CACNA2D3: variants seen among roughly 807,000 people sequenced by gnomAD.
CACNA2D3 encodes calcium voltage-gated channel auxiliary subunit alpha2delta 3, also known as voltage-dependent calcium channel subunit alpha-2/delta-3.
CACNA2D3 carries 60 observed loss-of-function variants against 160.6 expected under a neutral mutation model. The observed-to-expected ratio is 0.37, with a 90% CI of 0.30 to 0.46. CACNA2D3 has a LOEUF of 0.46. Ranked by LOEUF, CACNA2D3 falls within the 20% of genes least tolerant of loss-of-function variation. The probability of loss-of-function intolerance (pLI) is 1.00; values close to 1 mark genes in which losing one functional copy is unlikely to be tolerated. For synonymous variants in CACNA2D3, 558 were observed against 492.9 expected, an observed-to-expected ratio of 1.13 and a Z score of -1.75; for missense variants, 1,205 against 1,365.0, an observed-to-expected ratio of 0.88 and a Z score of 1.85.
chr3:54,207,714 C>A (rs553655045), intron 2 of CACNA2D3, among the ~76,000 whole-genome samples: 6 of 151,998 alleles, frequency 3.9e-5, no homozygotes, highest in Non-Finnish European at 8.8e-5. Flanking sequence ...GGCCATGGAG[C>A]GTGGTCACTA....
At chr3:54,977,921 G>A (rs1016109891) in intron 29 of CACNA2D3, among the ~76,000 whole-genome samples, 3 of 152,120 alleles carry the variant, frequency 2.0e-5, no homozygotes, top group African/African-American at 4.8e-5. Context: ...CATTTTTATC[G>A]TTATTTCTTG....
At chr3:54,199,867 A>G (rs961376649) in intron 2 of CACNA2D3, among the ~76,000 whole-genome samples, 1 of 152,350 alleles carries the variant, frequency 6.6e-6, no homozygotes, top group East Asian at 1.9e-4. Context: ...GATAAATACA[A>G]TATTTGCAGG....
At chr3:54,433,543 A>G (rs1287537410) in intron 4 of CACNA2D3, among the ~76,000 whole-genome samples, 10 of 152,222 alleles carry the variant, frequency 6.6e-5, no homozygotes, top group Non-Finnish European at 7.3e-5. Context: ...TGGTTCCAGC[A>G]AAGGAGTATC....
chr3:54,891,747 T>C (rs558625271), intron 25 of CACNA2D3, among the ~76,000 whole-genome samples: 2 of 152,318 alleles, frequency 1.3e-5, no homozygotes, highest in South Asian at 2.1e-4. Flanking sequence ...GTGCGGCTGC[T>C]GGGGGAGCCG....
chr3:54,358,256 A>G (rs1698682804), intron 3 of CACNA2D3, among the ~76,000 whole-genome samples: 4 of 152,242 alleles, frequency 2.6e-5, no homozygotes, highest in South Asian at 2.1e-4. Flanking sequence ...AAAGGGCTTT[A>G]GAAACAGCCT....
intron 13 of CACNA2D3, among the ~76,000 whole-genome samples, chr3:54,780,110 A>G (rs1181382902): frequency 1.3e-5 from 2 of 152,238 alleles, no homozygotes; most frequent in African/African-American, 4.8e-5. Context: ...CAAGGCTTAC[A>G]GAAGAAATAA....
At chr3:54,698,676 T>C (rs1324332486) in intron 11 of CACNA2D3, among the ~76,000 whole-genome samples, 1 of 152,162 alleles carries the variant, frequency 6.6e-6, no homozygotes, top group Non-Finnish European at 1.5e-5. Context: ...AGAATTCTTA[T>C]AGTTGGAATA....
intron 2 of CACNA2D3, among the ~76,000 whole-genome samples, chr3:54,207,651 C>T (rs1021876596): frequency 2.6e-5 from 4 of 152,110 alleles, no homozygotes; most frequent in African/African-American, 9.7e-5. Flanking sequence ...GTCTGAGTTA[C>T]CTCGGGAATG....
intron 9 of CACNA2D3, among the ~76,000 whole-genome samples, chr3:54,616,000 A>G (rs1052948916): frequency 2.6e-5 from 4 of 152,280 alleles, no homozygotes; most frequent in Middle Eastern, 6.8e-3. Flanking sequence ...AGGTGGAACA[A>G]TTTCATCCTT....
Position 54,918,332 on chromosome 3 carries a change from C to CTT in CACNA2D3, c.2449+18486_2449+18487dup, listed in dbSNP as rs533596688. Reference sequence around the variant, plus strand: ...TTTTACAGACACATCTTTTTTTTTTCTTTTTTTTTTTTTTTTTTTTTTTGT... The same window carrying CTT: ...TTTTACAGACACATCTTTTTTTTTTCTTTTTTTTTTTTTTTTTTTTTTTTTGT... On this transcript the variant is annotated intron_variant, in intron 27 of 37. Transcript: ENST00000474759. 428 of 227,982 alleles carry CTT rather than the reference C, an allele frequency of 1.9e-3. 34 individuals carry two copies. The highest frequency in any genetic ancestry group is 4.2e-3 in the African/African-American group (116 of 27,584). The allele number at this position is 227,982 out of a possible 1,614,324, so 14.1% of individuals were successfully genotyped here. A position where few individuals can be genotyped will look rare whatever the true frequency, so the allele number is the denominator to read the frequency against.
At chr3:54,956,019 C>T (rs376476206) in intron 27 of CACNA2D3, among the ~76,000 whole-genome samples, 4 of 152,174 alleles carry the variant, frequency 2.6e-5, no homozygotes, top group Non-Finnish European at 5.9e-5. Context: ...GAAAAAAGTG[C>T]GTGATTACTC....
intron 3 of CACNA2D3, among the ~76,000 whole-genome samples, chr3:54,340,431 A>AT (rs1454751666): frequency 1.3e-5 from 2 of 152,364 alleles, no homozygotes; most frequent in Non-Finnish European, 2.9e-5. Context: ...CCATTTGTCC[A>AT]TGAAAAAGAA....
At chr3:54,983,911 C>G (rs1258086798) in intron 29 of CACNA2D3, among the ~76,000 whole-genome samples, 1 of 152,192 alleles carries the variant, frequency 6.6e-6, no homozygotes, top group Non-Finnish European at 1.5e-5. Context: ...GCAAATCATT[C>G]ACTTGAGATT....
At chr3:54,148,675 T>A (rs1700083980) in intron 2 of CACNA2D3, among the ~76,000 whole-genome samples, 1 of 152,116 alleles carries the variant, frequency 6.6e-6, no homozygotes, top group Non-Finnish European at 1.5e-5. Context: ...ACCAGTTTTA[T>A]GCCTTAAGAA....
intron 2 of CACNA2D3, among the ~76,000 whole-genome samples, chr3:54,206,552 G>A (rs2107356774): frequency 6.6e-6 from 1 of 152,264 alleles, no homozygotes; most frequent in Non-Finnish European, 1.5e-5. Flanking sequence ...CTCAAACAGT[G>A]AAACCCTGCC....
intron 27 of CACNA2D3, among the ~76,000 whole-genome samples, chr3:54,906,276 A>G (rs531644876): frequency 6.6e-6 from 1 of 152,150 alleles, no homozygotes. Flanking sequence ...GATTTCTAGT[A>G]GTGGTAAATA....
chr3:54,570,110 T>A lies in CACNA2D3; in HGVS notation c.888+6T>A. The A allele has an allele frequency of 6.2e-7, 1 of 1,611,980 alleles. No individual in the cohort carries two copies. Among genetic ancestry groups the A allele is most frequent in the Non-Finnish European group, 8.5e-7 (1 of 1,178,386 alleles). On this transcript the variant is annotated splice_donor_region_variant and intron_variant, in intron 8 of 37. Transcript: ENST00000474759. ...ACTTCTTCAACATAATTGCTGTGAG[T>A]GCACCGTTTTGTGCCTTCTTTGCAC...
Position 54,581,821 on chromosome 3 carries a change from T to C in CACNA2D3, c.907T>C (p.Tyr303His). 1 of 1,613,752 alleles carries C rather than the reference T, an allele frequency of 6.2e-7. No homozygotes were observed. Among genetic ancestry groups the C allele is most frequent in the Non-Finnish European group, 8.5e-7 (1 of 1,179,820 alleles). The change falls in exon 9 of 38, where the codon TAT (tyrosine) becomes CAT (histidine). Residue 303 changes from tyrosine to histidine, a missense_variant. Coordinates refer to ENST00000474759, the MANE Select transcript of CACNA2D3 (RefSeq NM_018398.3). ...TTTGCAGTATAATGAGGAGCTTCACTATGTGGAACCTTGCCTGAATGGAAC... is the reference window on the plus strand; with the variant it reads ...TTTGCAGTATAATGAGGAGCTTCACCATGTGGAACCTTGCCTGAATGGAAC... The part of the protein sequence containing the change: ...NIIAYNEELH[Y>H]VEPCLNGTLV...
At chr3:54,300,894 A>G (rs1703461239) in intron 2 of CACNA2D3, among the ~76,000 whole-genome samples, 1 of 152,018 alleles carries the variant, frequency 6.6e-6, no homozygotes, top group Admixed American at 6.6e-5. Context: ...GGTGGTGTGC[A>G]CCCATAGTCC....
Sources: allele counts gnomAD v4.1 joint callset (sites outside exome capture counted in the v4.1 genomes callset), GRCh38; gene constraint gnomAD v4.1.1; transcripts MANE v1.5; gene names NCBI Gene and HGNC (gene_info 2026-07-23, HGNC 2026-07-21).